The following SH3RF3 variants were observed in gnomAD, a reference collection of about 807,000 sequenced individuals.
SH3RF3 encodes the protein SH3 domain containing ring finger 3, also known as E3 ubiquitin-protein ligase SH3RF3.
In SH3RF3, 29 loss-of-function variants were observed where a neutral mutation model predicts 66.3. The observed-to-expected ratio is 0.44, with a 90% CI of 0.33 to 0.60. SH3RF3 has a LOEUF of 0.60. Ranked by LOEUF, SH3RF3 falls within the 20% of genes least tolerant of loss-of-function variation. SH3RF3 has a pLI of 0.04. For synonymous variants in SH3RF3, 583 were observed against 532.0 expected (o/e 1.10, Z -1.32); for missense variants, 1,194 against 1,190.9 (o/e 1.00, Z -0.04).
intron 1 of SH3RF3, among the ~76,000 whole-genome samples, chr2:109,211,653 T>C (rs1678983180): frequency 6.6e-6 from 1 of 151,384 alleles, no homozygotes; most frequent in South Asian, 2.1e-4. Context: ...TCTTTCTTTT[T>C]TTTTTTTTTG....
intron 8 of SH3RF3, among the ~76,000 whole-genome samples, chr2:109,481,823 C>T (rs556174730): frequency 6.6e-6 from 1 of 152,154 alleles, no homozygotes; most frequent in South Asian, 2.1e-4. Context: ...TTGAGGAAGC[C>T]CAGAGGGGCA....
intron 1 of SH3RF3, among the ~76,000 whole-genome samples, chr2:109,196,594 G>A (rs1023377997): frequency 6.6e-6 from 1 of 152,174 alleles, no homozygotes; most frequent in South Asian, 2.1e-4. Flanking sequence ...GGCTGGATGT[G>A]GAGTTGGCCT....
chr2:109,431,203 G>A (rs1242486134), intron 5 of SH3RF3, among the ~76,000 whole-genome samples: 2 of 152,206 alleles, frequency 1.3e-5, no homozygotes, highest in Non-Finnish European at 2.9e-5. Flanking sequence ...TATCCCCAGA[G>A]ATGCACTGTG....
rs1679387024 is a variant in SH3RF3 at position 109,501,567 on chromosome 2, A to G, written c.2545A>G (p.Ile849Val). The G allele has an allele frequency of 1.3e-6, 1 of 779,858 alleles. No individual in the cohort carries two copies. The highest frequency in any genetic ancestry group is 2.4e-6 in the Non-Finnish European group (1 of 417,646). The allele number at this position is 779,858 out of a possible 1,614,324, so 48.3% of individuals were successfully genotyped here. A position where few individuals can be genotyped will look rare whatever the true frequency, so the allele number is the denominator to read the frequency against. ...GGAGATCGAGCTGAAGGAAGGCGAC[A>G]TCGTCTTTGTGCACAAGAAGCGTGA... ...EAEIELKEGD[I>V]VFVHKKREDG... Residue 849 changes from isoleucine to valine, a missense_variant, in exon 10 of 10, where the codon ATC becomes GTC. Coordinates refer to ENST00000309415, the MANE Select transcript of SH3RF3 (RefSeq NM_001099289.3).
chr2:109,187,260 A>G (rs995575714), intron 1 of SH3RF3, among the ~76,000 whole-genome samples: 1 of 152,180 alleles, frequency 6.6e-6, no homozygotes, highest in African/African-American at 2.4e-5. Context: ...ATAATTGCAC[A>G]ATTTAAAAAA....
At chr2:109,260,711 A>G (rs13430274) in intron 1 of SH3RF3, among the ~76,000 whole-genome samples, 5,881 of 152,202 alleles carry the variant, frequency 0.039, 375 homozygotes, top group African/African-American at 0.13. Context: ...AAGACTTGCA[A>G]TCTTATGGCC....
rs1217670322 is a variant in SH3RF3, at chr2:109,129,856, G to A, written c.316G>A (p.Asp106Asn). 2.0e-6 allele frequency: 3 copies of A among 1,527,812 alleles called. No individual in the cohort carries two copies. The highest frequency in any genetic ancestry group is 2.4e-5 in the South Asian group (2 of 82,538). 94.6% of individuals were successfully genotyped at this position (1,527,812 alleles called of 1,614,324 possible). Reference sequence around the variant, plus strand: ...CCGCATCCTGGTGGGCTGCGGCGTGGACGAACTGCCCGCCAACATCTTGCT... The same window carrying A: ...CCGCATCCTGGTGGGCTGCGGCGTGAACGAACTGCCCGCCAACATCTTGCT... Reference protein sequence around the residue: ...ECRILVGCGVDELPANILLVR... With the variant: ...ECRILVGCGVNELPANILLVR... The change falls in exon 1 of 10, where the codon GAC (aspartate) becomes AAC (asparagine). Residue 106 changes from aspartate (D) to asparagine (N), a missense_variant. By Grantham distance (23) the Asp-to-Asn change is conservative (BLOSUM62 1). Coordinates refer to ENST00000309415, the MANE Select transcript of SH3RF3 (RefSeq NM_001099289.3).
chr2:109,304,067 C>G (rs1681537123), intron 1 of SH3RF3, among the ~76,000 whole-genome samples: 3 of 151,446 alleles, frequency 2.0e-5, no homozygotes, highest in African/African-American at 7.3e-5. Context: ...CGCCATTGCA[C>G]TCCAGCCTGG....
At chr2:109,154,935 C>T (rs764789868) in intron 1 of SH3RF3, among the ~76,000 whole-genome samples, 2 of 152,174 alleles carry the variant, frequency 1.3e-5, no homozygotes, top group Non-Finnish European at 2.9e-5. Context: ...TTCCAAATCA[C>T]GACTTGTCAA....
At chr2:109,377,157 C>T (rs73955560) in intron 3 of SH3RF3, among the ~76,000 whole-genome samples, 1,715 of 152,312 alleles carry the variant, frequency 0.011, 32 homozygotes, top group African/African-American at 0.039. Flanking sequence ...CATTGATTGT[C>T]TGTTTCTAAT....
chr2:109,291,759 C>T lies in SH3RF3; in HGVS notation c.574-55915C>T, dbSNP rs78623762. Among the ~76,000 whole-genome samples the T allele has an allele frequency of 8.0e-3, 1,214 of 152,350 alleles. 11 individuals are homozygous for T. Among genetic ancestry groups the T allele is most frequent in the East Asian group, 0.037 (193 of 5,186 alleles). On this transcript the variant is annotated intron_variant, in intron 1 of 9. Transcript: ENST00000309415. ...CAGGTTTCAAAGTGGGGAACCTGAA[C>T]TTGGTAAGGTCTCCAGTTTCAGGTG... is the stretch of plus-strand genomic sequence containing the variant.
chr2:109,449,143 C>T, intron 7 of SH3RF3, 27 bp from the exon 8 acceptor site: 2 of 1,606,326 alleles, frequency 1.2e-6, no homozygotes, highest in Admixed American at 1.7e-5. Context: ...ACCTTTCAAC[C>T]TGCTGTCTCT....
chr2:109,214,657 T>A (rs1300608384), intron 1 of SH3RF3, among the ~76,000 whole-genome samples: 2 of 152,116 alleles, frequency 1.3e-5, no homozygotes, highest in Non-Finnish European at 2.9e-5. Flanking sequence ...CCTGACACTC[T>A]TGCTGGCATC....
At chr2:109,498,504 C>T (rs1038026852) in intron 9 of SH3RF3, among the ~76,000 whole-genome samples, 1 of 152,224 alleles carries the variant, frequency 6.6e-6, no homozygotes, top group Non-Finnish European at 1.5e-5. Context: ...GCCATGGCTT[C>T]TGCGCCCCAG....
At chr2:109,367,383 G>A (rs1382462119) in intron 2 of SH3RF3, among the ~76,000 whole-genome samples, 1 of 152,182 alleles carries the variant, frequency 6.6e-6, no homozygotes, top group Non-Finnish European at 1.5e-5. Context: ...CTGGGTTCAA[G>A]CAATTCTCCT....
chr2:109,215,676 G>C (rs1165767362), intron 1 of SH3RF3, among the ~76,000 whole-genome samples: 2 of 152,292 alleles, frequency 1.3e-5, no homozygotes, highest in African/African-American at 2.4e-5. Context: ...CTGAGAAGCT[G>C]CTGCTTCTGG....
At position 109,347,839 on chromosome 2, in the gene SH3RF3, T is replaced by C. The variant is rs1682750616; in HGVS notation, c.739T>C (p.Tyr247His). 2 of 1,613,942 alleles carry C rather than the reference T, an allele frequency of 1.2e-6. No homozygotes were observed. The highest frequency in any genetic ancestry group is 2.2e-5 in the South Asian group (2 of 91,062). Reference protein sequence around the residue: ...HGTQGFLPASYIQCIQPLPHA... With the variant: ...HGTQGFLPASHIQCIQPLPHA... The stretch of plus-strand genomic sequence containing the variant: ...CACACAGGGCTTCCTCCCAGCCAGC[T>C]ATATCCAGTGCATCCAGCCCTTGCC... The change falls in exon 2 of 10, where the codon TAT becomes CAT. Residue 247 changes from tyrosine to histidine, a missense_variant. Transcript: ENST00000309415.
rs1439128355 is a variant in SH3RF3 at position 109,490,825 on chromosome 2, C to G, written c.2369C>G (p.Pro790Arg). ...ATGCAGGGTGCCATGGGGATGGAGC[C>G]TCTGCACAGGAAGGCAGGCTCCTTG... Reference protein sequence around the residue: ...SEMQGAMGMEPLHRKAGSLDL... With the variant: ...SEMQGAMGMERLHRKAGSLDL... The change falls in exon 9 of 10, where the codon CCT (proline) becomes CGT (arginine). Residue 790 changes from proline to arginine, a missense_variant. Physicochemically the swap from Pro to Arg is moderately radical, Grantham distance 103. Coordinates refer to ENST00000309415, the MANE Select transcript of SH3RF3 (RefSeq NM_001099289.3). 1.3e-6 allele frequency: 2 copies of G among 1,536,886 alleles called. No homozygotes were observed. Among genetic ancestry groups the G allele is most frequent in the Admixed American group, 2.0e-5 (1 of 50,972 alleles).
At chr2:109,427,300 A>T (rs929618240) in intron 5 of SH3RF3, among the ~76,000 whole-genome samples, 1 of 152,104 alleles carries the variant, frequency 6.6e-6, no homozygotes, top group African/African-American at 2.4e-5. Flanking sequence ...AGGTACTTAC[A>T]TTTTTTTAGA....
Sources: gnomAD v4.1 joint callset for allele counts (sites outside exome capture counted in the v4.1 genomes callset) on GRCh38, gnomAD v4.1.1 for gene constraint, MANE v1.5 for transcripts, NCBI Gene and HGNC (gene_info 2026-07-23, HGNC 2026-07-21) for gene names.